Variants in BCL2L11 observed in about 807,000 individuals in gnomAD.
The protein encoded by BCL2L11 is BCL2 like 11.
A neutral mutation model predicts 20.6 loss-of-function variants in BCL2L11; 15 were observed. The observed-to-expected ratio is 0.73, with a 90% CI of 0.49 to 1.12. The LOEUF (loss-of-function observed/expected upper bound fraction) is 1.12. BCL2L11 is among the 50% of genes most tolerant of loss of function. BCL2L11 has a pLI of 0.00. For synonymous variants in BCL2L11, 108 were observed against 92.8 expected (o/e 1.16, Z -0.94); for missense variants, 292 against 260.9 (o/e 1.12, Z -0.82).
chr2:111,154,097 C>A (rs2077547343), intron 3 of BCL2L11, among the ~76,000 whole-genome samples: 1 of 152,174 alleles, frequency 6.6e-6, no homozygotes, highest in African/African-American at 2.4e-5. Flanking sequence ...AAAGAACCAC[C>A]CTTTTATATC....
chr2:111,133,227 T>A (rs1035701347), intron 2 of BCL2L11, among the ~76,000 whole-genome samples: 1 of 152,236 alleles, frequency 6.6e-6, no homozygotes, highest in Non-Finnish European at 1.5e-5. Context: ...TTTCTTCAAT[T>A]AGAATGGCAG....
At chr2:111,141,684 A>G (rs1041982229) in intron 2 of BCL2L11, among the ~76,000 whole-genome samples, 3 of 145,428 alleles carry the variant, frequency 2.1e-5, no homozygotes, top group African/African-American at 8.0e-5. Flanking sequence ...AATAATAATA[A>G]TCCCAATTCT....
rs150160021 is a variant in BCL2L11 at position 111,158,705 on chromosome 2, CTT to C, written c.499-5427_499-5426del. ...AGGTATACCTTGTTTTTGAATGCCTCTTAGAATTAGGAATTGAGCTTGCTTTG... is the reference window on the plus strand; with the variant it reads ...AGGTATACCTTGTTTTTGAATGCCTCAGAATTAGGAATTGAGCTTGCTTTG... On this transcript the variant is annotated intron_variant, in intron 3 of 3. Coordinates refer to ENST00000393256, the MANE Select transcript of BCL2L11 (RefSeq NM_138621.5). Among the ~76,000 whole-genome samples, 560 of 152,172 alleles carry C rather than the reference CTT, an allele frequency of 3.7e-3. 3 individuals are homozygous for C. The highest frequency in any genetic ancestry group is 0.013 in the African/African-American group (536 of 41,500).
chr2:111,122,864 C>A (rs1401919802), intron 1 of BCL2L11: 4 of 985,362 alleles, frequency 4.1e-6, no homozygotes, highest in Non-Finnish European at 4.8e-6. Context: ...GGGCGCGGGC[C>A]GGACGCCGCG....
chr2:111,146,854 A>G (rs1475606497), intron 2 of BCL2L11, among the ~76,000 whole-genome samples: 1 of 152,216 alleles, frequency 6.6e-6, no homozygotes, highest in African/African-American at 2.4e-5. Flanking sequence ...TTTTTATCAT[A>G]TAGTCTTTAT....
Position 111,124,019 on chromosome 2 carries a change from T to A in BCL2L11, c.274T>A (p.Ser92Thr). 1 of 1,614,220 alleles carries A rather than the reference T, an allele frequency of 6.2e-7. No homozygotes were observed. The highest frequency in any genetic ancestry group is 8.5e-7 in the Non-Finnish European group (1 of 1,180,032). ...FMRRSSLLSRSSSGYFSFDTD... is the reference protein window; with the variant it reads ...FMRRSSLLSRTSSGYFSFDTD... ...GAGAAGATCCTCCCTGCTGTCTCGA[T>A]CCTCCAGTGGGTATTTCTCTTTTGA... Residue 92 changes from serine to threonine, a missense_variant, in exon 2 of 4, where the codon TCC becomes ACC. Ser to Thr is a moderately conservative substitution (Grantham distance 58, BLOSUM62 1). Transcript: ENST00000393256.
At chr2:111,163,927 A>G (rs528684263) in intron 3 of BCL2L11, among the ~76,000 whole-genome samples, 21 of 106,998 alleles carry the variant, frequency 2.0e-4, no homozygotes, top group Admixed American at 6.4e-4. Context: ...CCCTTTTTGT[A>G]GGGATGTCTT....
Position 111,130,155 on chromosome 2 carries a change from A to C in BCL2L11, c.394+6016A>C, listed in dbSNP as rs184006090. ...AGTCTCACTCTGTCACCCAGGCTGG[A>C]GTGCACTGGTGCGATCTTGGCTCAC... On this transcript the variant is annotated intron_variant, in intron 2 of 3. Coordinates refer to ENST00000393256, the MANE Select transcript of BCL2L11 (RefSeq NM_138621.5). 4.3e-3 allele frequency: 1,603 copies of C among 368,720 alleles called. 34 individuals are homozygous for C. The highest frequency in any genetic ancestry group is 0.034 in the African/African-American group (1,449 of 43,110). The allele number at this position is 368,720 out of a possible 1,614,324, so 22.8% of individuals were successfully genotyped here. A position where few individuals can be genotyped will look rare whatever the true frequency, so the allele number is the denominator to read the frequency against.
intron 2 of BCL2L11, among the ~76,000 whole-genome samples, chr2:111,139,202 G>A (rs2075405057): frequency 6.6e-6 from 1 of 152,190 alleles, no homozygotes; most frequent in South Asian, 2.1e-4. Flanking sequence ...TAACCTGCCA[G>A]TGAACCAAAC....
chr2:111,145,974 C>T, intron 2 of BCL2L11: 1 of 975,686 alleles, frequency 1.0e-6, no homozygotes, highest in Non-Finnish European at 1.2e-6. Context: ...CATGGATCTG[C>T]CTAGGAAGTC....
At chr2:111,122,791 GT>G (rs1208596183) in intron 1 of BCL2L11, 2 of 985,230 alleles carry the variant, frequency 2.0e-6, no homozygotes, top group Non-Finnish European at 2.4e-6. Flanking sequence ...CTGAACCCGA[GT>G]CCCGGGCTTT....
Position 111,140,260 on chromosome 2 carries a change from T to TA in BCL2L11, c.395-9774dup, listed in dbSNP as rs920812500. ...GTGAGATGGTTTTGAAGCTAAAATT[T>TA]AAAAAAAAAATCATTTCAAGCTGAT... On this transcript the variant is annotated intron_variant, in intron 2 of 3. Coordinates refer to ENST00000393256, the MANE Select transcript of BCL2L11 (RefSeq NM_138621.5). Among the ~76,000 whole-genome samples the TA allele has an allele frequency of 7.2e-4, 108 of 150,452 alleles. No individual in the cohort carries two copies. In the South Asian group the frequency reaches 7.8e-3, roughly 11 times the overall value.
At chr2:111,138,002 T>G (rs115130151) in intron 2 of BCL2L11, among the ~76,000 whole-genome samples, 1,758 of 141,370 alleles carry the variant, frequency 0.012, 11 homozygotes, top group Admixed American at 0.019. Context: ...TTTTCTTTCT[T>G]TCTTTCTTTC....
intron 3 of BCL2L11, among the ~76,000 whole-genome samples, chr2:111,155,358 G>A (rs192136092): frequency 4.6e-5 from 7 of 152,222 alleles, no homozygotes; most frequent in East Asian, 3.9e-4. Flanking sequence ...CTGTGTGAGC[G>A]CATGTACCGG....
At chr2:111,145,916 CT>C in intron 2 of BCL2L11, 1 of 826,478 alleles carries the variant, frequency 1.2e-6, no homozygotes, top group Non-Finnish European at 1.4e-6. Context: ...TGATTAGTGG[CT>C]TTCTTTTTTT....
intron 2 of BCL2L11, chr2:111,142,198 G>A (rs2075933968): frequency 1.2e-6 from 1 of 840,454 alleles, no homozygotes; most frequent in South Asian, 1.5e-5. Flanking sequence ...TCCTTAACTT[G>A]CACTTGTGCT....
intron 2 of BCL2L11, among the ~76,000 whole-genome samples, chr2:111,147,052 A>C (rs1265926286): frequency 1.3e-5 from 2 of 152,152 alleles, no homozygotes; most frequent in African/African-American, 2.4e-5. Flanking sequence ...TGCAAAATGT[A>C]ATTTATAGTA....
intron 3 of BCL2L11, chr2:111,153,918 C>T: frequency 1.3e-6 from 2 of 1,531,720 alleles, no homozygotes; most frequent in Non-Finnish European, 1.8e-6. Flanking sequence ...AGCGCAAAGT[C>T]CCAGTGCATG....
rs1233581687 is a variant in BCL2L11, at chr2:111,165,025, C to T, written c.*794C>T. The T allele has an allele frequency of 6.6e-6, 1 of 152,210 alleles. No individual in the cohort carries two copies. Among genetic ancestry groups the T allele is most frequent in the Non-Finnish European group, 1.5e-5 (1 of 68,040 alleles). 9.4% of individuals were successfully genotyped at this position (152,210 alleles called of 1,614,324 possible). A position where few individuals can be genotyped will look rare whatever the true frequency, so the allele number is the denominator to read the frequency against. ...GCATAGATTTGGTCCAGTGTATTTT[C>T]ATGATAAAGTGAAATTGAGTCAGAA... is the stretch of plus-strand genomic sequence containing the variant. On this transcript the variant is annotated 3_prime_UTR_variant, in exon 4 of 4. Transcript: ENST00000393256.
Sources: allele counts gnomAD v4.1 joint callset (sites outside exome capture counted in the v4.1 genomes callset), GRCh38; gene constraint gnomAD v4.1.1; transcripts MANE v1.5; gene names NCBI Gene and HGNC (gene_info 2026-07-23, HGNC 2026-07-21).